Variants in MED12L observed in about 807,000 individuals in gnomAD.
MED12L encodes the protein mediator of RNA polymerase II transcription subunit 12-like protein.
A neutral mutation model predicts 281.3 loss-of-function variants in MED12L; 60 were observed. The ratio of observed to expected loss-of-function variants is 0.21; its 90% CI spans 0.17 to 0.26. The LOEUF (loss-of-function observed/expected upper bound fraction) is 0.26. MED12L is among the 10% of genes least tolerant of loss of function. The pLI is 1.00. For missense variants in MED12L, 2,146 were observed against 2,680.9 expected (o/e 0.80, Z 4.41); for synonymous variants, 974 against 987.2 (o/e 0.99, Z 0.25).
chr3:151,219,651 C>T (rs1227839128), intron 16 of MED12L: 1 of 152,120 alleles, frequency 6.6e-6, no homozygotes. Flanking sequence ...TCCTGCATTA[C>T]ACAAAACAAA....
chr3:151,156,473 A>G (rs1719303301), intron 6 of MED12L, 143 bp downstream of exon 6: 2 of 742,002 alleles, frequency 2.7e-6, no homozygotes, highest in Non-Finnish European at 4.2e-6. Flanking sequence ...TCTCACATCG[A>G]ATTGTATTCA....
intron 2 of MED12L, among the ~76,000 whole-genome samples, chr3:151,099,573 G>A (rs991356320): frequency 6.6e-6 from 1 of 152,056 alleles, no homozygotes; most frequent in African/African-American, 2.4e-5. Flanking sequence ...CATTCAATCT[G>A]TTTTGAGACA....
intron 16 of MED12L, among the ~76,000 whole-genome samples, chr3:151,289,204 A>G (rs1433028814): frequency 6.6e-6 from 1 of 152,200 alleles, no homozygotes; most frequent in African/African-American, 2.4e-5. Context: ...AATGAAGGCA[A>G]AGTTATTAAC....
intron 16 of MED12L, among the ~76,000 whole-genome samples, chr3:151,247,677 G>A (rs1735910358): frequency 6.8e-6 from 1 of 146,890 alleles, no homozygotes; most frequent in African/African-American, 2.5e-5. Flanking sequence ...CGAGTTAGTG[G>A]GTGCAGTGCA....
rs940470516 is a variant in MED12L at position 151,329,102 on chromosome 3, G to A, written c.2251-20957G>A. The A allele has an allele frequency of 1.0e-4, 84 of 837,264 alleles. 1 individual carries two copies. The highest frequency in any genetic ancestry group is 1.5e-4 in the Non-Finnish European group (80 of 536,434). The allele number at this position is 837,264 out of a possible 1,614,324, so 51.9% of individuals were successfully genotyped here. Reference sequence around the variant, plus strand: ...TTTAAAAACAGACTTTATGTTTATAGCATATTAACATCCTGCATTTATCCA... The same window carrying A: ...TTTAAAAACAGACTTTATGTTTATAACATATTAACATCCTGCATTTATCCA... On this transcript the variant is annotated intron_variant, in intron 16 of 44. Coordinates refer to ENST00000687756, the MANE Select transcript of MED12L (RefSeq NM_001393769.1).
intron 12 of MED12L, among the ~76,000 whole-genome samples, chr3:151,186,360 G>C (rs1003033815): frequency 1.3e-5 from 2 of 152,056 alleles, no homozygotes; most frequent in Non-Finnish European, 2.9e-5. Context: ...CGATCTTTTC[G>C]AAATGTAAAT....
intron 16 of MED12L, among the ~76,000 whole-genome samples, chr3:151,308,009 G>A (rs147445416): frequency 6.6e-6 from 1 of 152,242 alleles, no homozygotes; most frequent in East Asian, 1.9e-4. Context: ...GAAACAGGGA[G>A]AATAATAAAT....
At chr3:151,191,634 C>T (rs888640549) in intron 14 of MED12L, among the ~76,000 whole-genome samples, 2 of 152,098 alleles carry the variant, frequency 1.3e-5, no homozygotes, top group East Asian at 3.9e-4. Context: ...AGCCTGGGCA[C>T]GGTGGCTGAT....
intron 11 of MED12L, among the ~76,000 whole-genome samples, chr3:151,182,763 A>G (rs1287042428): frequency 1.3e-5 from 2 of 152,206 alleles, no homozygotes; most frequent in South Asian, 4.1e-4. Context: ...TTTGAGGGGT[A>G]AGATGAGCTT....
chr3:151,358,189 A>C (rs1754168626), intron 20 of MED12L, among the ~76,000 whole-genome samples: 1 of 152,124 alleles, frequency 6.6e-6, no homozygotes, highest in South Asian at 2.1e-4. Flanking sequence ...CTATTCTGGG[A>C]AAGAGGAAAT....
chr3:151,383,795 A>G lies in MED12L; in HGVS notation c.4697A>G (p.Asp1566Gly). 6.2e-7 allele frequency: 1 copy of G among 1,612,390 alleles called. No homozygotes were observed. Among genetic ancestry groups the G allele is most frequent in the Non-Finnish European group, 8.5e-7 (1 of 1,179,144 alleles). The change falls in exon 34 of 45, where the codon GAC becomes GGC. Residue 1566 changes from aspartate to glycine, a missense_variant. Asp to Gly is a moderately conservative substitution (Grantham distance 94). This residue lies in a region of MED12L where 212 missense variants were observed against 340.8 expected (regional missense o/e 0.62). Coordinates refer to ENST00000687756, the MANE Select transcript of MED12L (RefSeq NM_001393769.1). ...LRLNLVGGMF[D>G]TVQRSTQWTT... ...GTCTGCTAGGTAGGAGGAATGTTTG[A>G]CACGGTGCAGAGGAGCACCCAGTGG...
chr3:151,253,394 A>G (rs1012176600), intron 16 of MED12L, among the ~76,000 whole-genome samples: 1 of 152,186 alleles, frequency 6.6e-6, no homozygotes, highest in Non-Finnish European at 1.5e-5. Flanking sequence ...ACATTTTAAT[A>G]TGGCTTAGAT....
rs563974506 is a variant in MED12L, at chr3:151,178,956, A to G, written c.1495-6374A>G. Among the ~76,000 whole-genome samples, 10 of 152,312 alleles carry G rather than the reference A, an allele frequency of 6.6e-5. No individual in the cohort carries two copies. The East Asian group carries it at 1.9e-3, about 29-fold the overall frequency. On this transcript the variant is annotated intron_variant, in intron 11 of 44. Coordinates refer to ENST00000687756, the MANE Select transcript of MED12L (RefSeq NM_001393769.1). Reference sequence around the variant, plus strand: ...TTTACATGTAACATTAAGACTTTCAATTTTTTATTTTTATTGTGTCTGCTA... The same window carrying G: ...TTTACATGTAACATTAAGACTTTCAGTTTTTTATTTTTATTGTGTCTGCTA...
chr3:151,120,319 GA>G (rs1713564043), intron 3 of MED12L, among the ~76,000 whole-genome samples: 1 of 151,956 alleles, frequency 6.6e-6, no homozygotes, highest in South Asian at 2.1e-4. Flanking sequence ...AAACCTTTTA[GA>G]GGGCAATTTG....
chr3:151,403,595 T>C lies in MED12L; in HGVS notation c.5821-5648T>C, dbSNP rs141963428. On this transcript the variant is annotated intron_variant, in intron 39 of 44. Transcript: ENST00000687756. ...CATGCATGTCATAAGACTTCATCTCTACTGCTTTGCCTGGGCTAGCTAAGA... is the reference window on the plus strand; with the variant it reads ...CATGCATGTCATAAGACTTCATCTCCACTGCTTTGCCTGGGCTAGCTAAGA... Among the ~76,000 whole-genome samples the C allele has an allele frequency of 2.6e-5, 4 of 152,336 alleles. No homozygotes were observed. In the East Asian group the frequency reaches 7.7e-4, roughly 29 times the overall value.
intron 2 of MED12L, among the ~76,000 whole-genome samples, chr3:151,101,680 C>T (rs946360315): frequency 1.5e-4 from 21 of 138,990 alleles, no homozygotes; most frequent in Admixed American, 3.1e-4. Flanking sequence ...CCTGGTGGAG[C>T]GTCTGCTGGA....
intron 30 of MED12L, 44 bp downstream of exon 30, chr3:151,377,222 C>T (rs1756958480): frequency 6.6e-7 from 1 of 1,519,032 alleles, no homozygotes; most frequent in South Asian, 1.2e-5. Flanking sequence ...GAATTTTTCA[C>T]AAGTAACGGT....
intron 11 of MED12L, among the ~76,000 whole-genome samples, chr3:151,179,075 C>T (rs1275790618): frequency 6.6e-6 from 1 of 152,150 alleles, no homozygotes; most frequent in Non-Finnish European, 1.5e-5. Flanking sequence ...CGTGGTGGCT[C>T]ATACTGGTAA....
intron 39 of MED12L, among the ~76,000 whole-genome samples, chr3:151,399,948 T>C (rs1187743529): frequency 6.6e-6 from 1 of 152,108 alleles, no homozygotes. Flanking sequence ...TGCCTCAGCC[T>C]CCCGAGTAGC....
Sources: allele counts gnomAD v4.1 joint callset (sites outside exome capture counted in the v4.1 genomes callset), GRCh38; gene constraint gnomAD v4.1.1; regional missense constraint gnomAD v4.1.1; transcripts MANE v1.5; gene names NCBI Gene and HGNC (gene_info 2026-07-23, HGNC 2026-07-21).